Variants in GYS2 observed in about 807,000 individuals in gnomAD.
GYS2 encodes glycogen synthase 2, also known as glycogen [starch] synthase, liver.
GYS2 carries 80 observed loss-of-function variants against 85.6 expected under a neutral mutation model. That is an observed-to-expected ratio of 0.93 (90% confidence interval 0.78 to 1.13). The LOEUF is 1.13. GYS2 is among the 50% of genes most tolerant of loss of function. GYS2 has a pLI of 0.00. For missense variants in GYS2, 881 were observed against 854.9 expected, an observed-to-expected ratio of 1.03 and a Z score of -0.38; for synonymous variants, 328 against 300.7, an observed-to-expected ratio of 1.09 and a Z score of -0.94.
intron 15 of GYS2, 130 bp downstream of exon 15, chr12:21,539,128 C>T (rs1005783827): frequency 9.1e-6 from 6 of 657,604 alleles, no homozygotes; most frequent in African/African-American, 5.4e-5. Context: ...CTCTCTCTCT[C>T]CTTTGGTTTG....
chr12:21,591,593 C>T (rs1312713490), intron 1 of GYS2, among the ~76,000 whole-genome samples: 1 of 152,104 alleles, frequency 6.6e-6, no homozygotes, highest in Non-Finnish European at 1.5e-5. Context: ...TAGCTGAAAA[C>T]TTGTCAAGTC....
intron 1 of GYS2, among the ~76,000 whole-genome samples, chr12:21,591,467 T>G (rs1174340821): frequency 6.6e-6 from 1 of 151,782 alleles, no homozygotes; most frequent in Non-Finnish European, 1.5e-5. Context: ...AAAAAAAGAA[T>G]GAACAAAGTG....
intron 7 of GYS2, among the ~76,000 whole-genome samples, chr12:21,561,164 C>A (rs1944248590): frequency 6.6e-6 from 1 of 152,150 alleles, no homozygotes; most frequent in Admixed American, 6.6e-5. Context: ...TTTCTCTCCT[C>A]ATTTTATTAA....
At chr12:21,566,786 G>A (rs940050157) in intron 5 of GYS2, among the ~76,000 whole-genome samples, 1 of 152,086 alleles carries the variant, frequency 6.6e-6, no homozygotes, top group Non-Finnish European at 1.5e-5. Flanking sequence ...AGCTAGTAAC[G>A]TATACTCAAC....
chr12:21,597,054 T>C (rs1944704878), intron 1 of GYS2, among the ~76,000 whole-genome samples: 1 of 151,928 alleles, frequency 6.6e-6, no homozygotes, highest in Non-Finnish European at 1.5e-5. Context: ...TAAAACGTAC[T>C]CTCAAGATGG....
Position 21,580,429 on chromosome 12 carries a change from ATGC to A in GYS2, c.213_215del (p.Glu71_His72delinsAsp). ...ACTGTTCCACCTGAGTCTTCATATTATGCTCAAAATATGGACCTATCAGAAAAT... is the reference window on the plus strand; with the variant it reads ...ACTGTTCCACCTGAGTCTTCATATTATCAAAATATGGACCTATCAGAAAAT... On this transcript the variant is annotated inframe_deletion, in exon 2 of 16. Coordinates refer to ENST00000261195, the MANE Select transcript of GYS2 (RefSeq NM_021957.4). The A allele has an allele frequency of 6.2e-7, 1 of 1,612,520 alleles. No homozygotes were observed. The highest frequency in any genetic ancestry group is 1.7e-4 in the Middle Eastern group (1 of 6,054).
rs751775723 is a variant in GYS2, at chr12:21,563,213, T to A, written c.941+15A>T. ...ATCTGATACTTCTTTTTCTTTTTAA[T>A]AAAGAAAATCATACCCATAGAAATG... is the stretch of plus-strand genomic sequence containing the variant. On this transcript the variant is annotated intron_variant, in intron 6 of 15. Coordinates refer to ENST00000261195, the MANE Select transcript of GYS2 (RefSeq NM_021957.4). 1.6e-5 allele frequency: 23 copies of A among 1,437,278 alleles called. No individual in the cohort carries two copies. Among genetic ancestry groups the A allele is most frequent in the Non-Finnish European group, 2.3e-5 (23 of 1,018,922 alleles). The allele number at this position is 1,437,278 out of a possible 1,614,324, so 89.0% of individuals were successfully genotyped here.
intron 1 of GYS2, among the ~76,000 whole-genome samples, chr12:21,592,337 G>C (rs934313337): frequency 6.6e-6 from 1 of 151,802 alleles, no homozygotes. Flanking sequence ...TTACTTGAAA[G>C]ATATAGACTG....
intron 2 of GYS2, among the ~76,000 whole-genome samples, chr12:21,579,018 C>T (rs1944477785): frequency 6.6e-6 from 1 of 152,110 alleles, no homozygotes; most frequent in South Asian, 2.1e-4. Flanking sequence ...TATTCCTTAA[C>T]CCACTGAAAT....
At chr12:21,593,534 C>T (rs999003893) in intron 1 of GYS2, among the ~76,000 whole-genome samples, 1 of 151,910 alleles carries the variant, frequency 6.6e-6, no homozygotes, top group Non-Finnish European at 1.5e-5. Context: ...TAATAAATTT[C>T]TGGACACATA....
chr12:21,548,967 A>G (rs554252572), intron 11 of GYS2, among the ~76,000 whole-genome samples: 10 of 152,314 alleles, frequency 6.6e-5, no homozygotes, highest in African/African-American at 2.4e-4. Context: ...GAAAATAGGC[A>G]TATACTACAA....
At chr12:21,558,064 G>T (rs1361315694) in intron 11 of GYS2, 136 bp downstream of exon 11, 7 of 679,982 alleles carry the variant, frequency 1.0e-5, no homozygotes, top group Non-Finnish European at 1.9e-5. Context: ...TCCAAGACAA[G>T]AAACTGAACC....
At chr12:21,542,859 G>A (rs142306604) in intron 12 of GYS2, among the ~76,000 whole-genome samples, 95 of 152,332 alleles carry the variant, frequency 6.2e-4, no homozygotes, top group Middle Eastern at 3.4e-3. Context: ...GCCAGGGTTC[G>A]TGGTATAGCT....
chr12:21,589,248 A>G (rs1385652922), intron 1 of GYS2, among the ~76,000 whole-genome samples: 1 of 152,238 alleles, frequency 6.6e-6, no homozygotes, highest in African/African-American at 2.4e-5. Flanking sequence ...GGGGAAATAG[A>G]GATTCTTTAT....
intron 2 of GYS2, among the ~76,000 whole-genome samples, chr12:21,578,969 A>T (rs368660676): frequency 9.9e-5 from 15 of 152,280 alleles, no homozygotes; most frequent in African/African-American, 3.6e-4. Flanking sequence ...GAAAAATCTC[A>T]TAATCACAAC....
At chr12:21,576,231 T>A (rs1196999042) in intron 2 of GYS2, among the ~76,000 whole-genome samples, 174 bp from the exon 3 acceptor site, 2 of 152,230 alleles carry the variant, frequency 1.3e-5, no homozygotes, top group Non-Finnish European at 2.9e-5. Context: ...CAAGCTGGAA[T>A]GGGCATAAAT....
intron 5 of GYS2, among the ~76,000 whole-genome samples, chr12:21,567,221 T>C (rs936199843): frequency 1.3e-5 from 2 of 152,144 alleles, no homozygotes; most frequent in African/African-American, 2.4e-5. Context: ...TTTACTCTTA[T>C]AAGATATTTG....
intron 1 of GYS2, among the ~76,000 whole-genome samples, chr12:21,587,474 A>G (rs1944587236): frequency 6.6e-6 from 1 of 152,128 alleles, no homozygotes; most frequent in Admixed American, 6.6e-5. Context: ...GAGTTCTTAC[A>G]AGATCTGATG....
At chr12:21,564,517 T>C (rs987289025) in intron 5 of GYS2, among the ~76,000 whole-genome samples, 42 of 152,328 alleles carry the variant, frequency 2.8e-4, no homozygotes, top group African/African-American at 6.0e-4. Context: ...TTTTGGTCAT[T>C]TTTTGTGGAA....
Sources: gnomAD v4.1 joint callset for allele counts (sites outside exome capture counted in the v4.1 genomes callset) on GRCh38, gnomAD v4.1.1 for gene constraint, MANE v1.5 for transcripts, NCBI Gene and HGNC (gene_info 2026-07-23, HGNC 2026-07-21) for gene names.